Variants in IGSF10 observed in about 807,000 individuals in gnomAD.
The protein encoded by IGSF10 is immunoglobulin superfamily member 10.
IGSF10 carries 126 observed loss-of-function variants against 128.2 expected under a neutral mutation model. That is an observed-to-expected ratio of 0.98 (90% confidence interval 0.85 to 1.14). IGSF10 has a LOEUF of 1.14. Ranked by LOEUF, IGSF10 falls within the 50% of genes most tolerant of loss-of-function variation. The pLI, the probability that IGSF10 is intolerant of heterozygous loss-of-function variation, is 0.00. For synonymous variants in IGSF10, 1,185 were observed against 1,146.2 expected, an observed-to-expected ratio of 1.03 and a Z score of -0.68; for missense variants, 3,295 against 3,149.8, an observed-to-expected ratio of 1.05 and a Z score of -1.10.
the IGSF10 span, among the ~76,000 whole-genome samples, chr3:151,507,502 G>A: frequency 3.3e-5 from 5 of 152,272 alleles, no homozygotes; most frequent in African/African-American, 9.6e-5. Flanking sequence ...TCTGAGACTT[G>A]ACGATTTATA....
At position 151,447,310 on chromosome 3, in the gene IGSF10, A is replaced by C. The variant is rs762708199; in HGVS notation, c.2671T>G (p.Ser891Ala). The change falls in exon 6 of 8, where the codon TCC (serine) becomes GCC (alanine). Residue 891 changes from serine (S) to alanine (A), a missense_variant. By Grantham distance (99) the Ser-to-Ala change is moderately conservative. Coordinates refer to ENST00000282466, the MANE Select transcript of IGSF10 (RefSeq NM_178822.5). ...CCAAGTAGCAGTGGAAAGACAGTGG[A>C]TGAATGTTGATTGGTTGTGCCTTGT... ...QIQGTTNQHSSTVFPLLLGAT... is the reference protein window; with the variant it reads ...QIQGTTNQHSATVFPLLLGAT... The C allele has an allele frequency of 6.2e-7, 1 of 1,614,182 alleles. No homozygotes were observed.
the IGSF10 span, among the ~76,000 whole-genome samples, chr3:151,542,620 C>T: frequency 6.6e-6 from 1 of 152,170 alleles, no homozygotes; most frequent in East Asian, 1.9e-4. Flanking sequence ...TGAATACTTA[C>T]TATAAAAACA....
the IGSF10 span, among the ~76,000 whole-genome samples, chr3:151,617,571 G>A: frequency 2.0e-5 from 3 of 151,982 alleles, no homozygotes; most frequent in African/African-American, 7.3e-5. Context: ...ACCCATATCT[G>A]ATGCAGATGA....
At chr3:151,591,536 G>T in the IGSF10 span, among the ~76,000 whole-genome samples, 2 of 150,542 alleles carry the variant, frequency 1.3e-5, no homozygotes, top group Admixed American at 6.7e-5. Flanking sequence ...CATGCTGAAA[G>T]TTGTGAAGGA....
rs1350601428 is a variant in IGSF10 at position 151,445,987 on chromosome 3, A to C, written c.3994T>G (p.Tyr1332Asp). 1.9e-6 allele frequency: 3 copies of C among 1,614,166 alleles called. No homozygotes were observed. Among genetic ancestry groups the C allele is most frequent in the African/African-American group, 1.3e-5 (1 of 75,054 alleles). ...TPTFPASVITYETQTERSRAQ... is the reference protein window; with the variant it reads ...TPTFPASVITDETQTERSRAQ... ...CTAGATCTCTCTGTTTGGGTTTCAT[A>C]AGTGATGACAGATGCAGGGAAGGTA... The change falls in exon 6 of 8, where the codon TAT becomes GAT. Residue 1332 changes from tyrosine to aspartate, a missense_variant. Tyr to Asp is a radical substitution (Grantham distance 160). Coordinates refer to ENST00000282466, the MANE Select transcript of IGSF10 (RefSeq NM_178822.5).
the IGSF10 span, among the ~76,000 whole-genome samples, chr3:151,556,070 A>G: frequency 6.6e-6 from 1 of 152,172 alleles, no homozygotes; most frequent in African/African-American, 2.4e-5. Flanking sequence ...CAGCAGTCTG[A>G]CGGAACTGCT....
chr3:151,496,479 G>C, the IGSF10 span, among the ~76,000 whole-genome samples: 1 of 144,122 alleles, frequency 6.9e-6, no homozygotes, highest in Non-Finnish European at 1.5e-5. Flanking sequence ...AGTTTGCTGA[G>C]AATGATGGTT....
Position 151,457,113 on chromosome 3 carries a change from GC to G in IGSF10, c.236del (p.Gly79AlafsTer2). 1 of 1,614,060 alleles carries G rather than the reference GC, an allele frequency of 6.2e-7. No individual in the cohort carries two copies. Among genetic ancestry groups the G allele is most frequent in the Non-Finnish European group, 8.5e-7 (1 of 1,179,936 alleles). ...LVRLMETDFS[G>X]LTKLELLMLH... ...GCATGAGTAACTCCAGTTTGGTCAG[GC>G]CAGAAAAATCTGTTTCCATCAATCT... is the stretch of plus-strand genomic sequence containing the variant. On this transcript the variant is annotated frameshift_variant, in exon 4 of 8. Coordinates refer to ENST00000282466, the MANE Select transcript of IGSF10 (RefSeq NM_178822.5). LOFTEE classifies it high-confidence loss of function.
chr3:151,447,482 C>A lies in IGSF10; in HGVS notation c.2499G>T (p.Met833Ile), dbSNP rs570576236. 1 of 1,614,148 alleles carries A rather than the reference C, an allele frequency of 6.2e-7. No individual in the cohort carries two copies. The highest frequency in any genetic ancestry group is 2.2e-5 in the East Asian group (1 of 44,886). Residue 833 changes from methionine (M) to isoleucine (I), a missense_variant, in exon 6 of 8, where the codon ATG becomes ATT. Met to Ile is a conservative substitution (Grantham distance 10). Coordinates refer to ENST00000282466, the MANE Select transcript of IGSF10 (RefSeq NM_178822.5). ...ADSRTISDSP[M>I]TNINYGTEFS... ...ATTCTGTGCCATAATTTATGTTTGT[C>A]ATAGGACTATCAGATATTGTTCTGG...
chr3:151,448,354 T>C lies in IGSF10; in HGVS notation c.1627A>G (p.Ser543Gly). The C allele has an allele frequency of 6.2e-7, 1 of 1,614,214 alleles. No individual in the cohort carries two copies. The highest frequency in any genetic ancestry group is 8.5e-7 in the Non-Finnish European group (1 of 1,180,032). Residue 543 changes from serine to glycine, a missense_variant, in exon 6 of 8, where the codon AGT becomes GGT. Transcript: ENST00000282466. The stretch of plus-strand genomic sequence containing the variant: ...CAGTGATATACGCCTGTGTCAAAAC[T>C]ATCAGCCATCTGGAGTTCCAATTTT... ...SGKLELQMAD[S>G]FDTGVYHCIS...
At chr3:151,441,612 T>A (rs1720849838) in intron 7 of IGSF10, among the ~76,000 whole-genome samples, 1 of 152,304 alleles carries the variant, frequency 6.6e-6, no homozygotes, top group South Asian at 2.1e-4. Context: ...TTTCTATTAA[T>A]GAATAAACAG....
At chr3:151,616,777 G>A in the IGSF10 span, among the ~76,000 whole-genome samples, 10 of 152,266 alleles carry the variant, frequency 6.6e-5, no homozygotes, top group East Asian at 3.9e-4. Flanking sequence ...AAACCTCTAC[G>A]AAATGCGTCT....
At position 151,445,352 on chromosome 3, in the gene IGSF10, G is replaced by A; in HGVS notation, c.4629C>T (p.Tyr1543=). The A allele has an allele frequency of 1.2e-6, 2 of 1,614,218 alleles. No homozygotes were observed. Among genetic ancestry groups the A allele is most frequent in the Non-Finnish European group, 1.7e-6 (2 of 1,180,024 alleles). Residue 1543 remains tyrosine, a synonymous_variant, in exon 6 of 8, where the codon TAC becomes TAT. Coordinates refer to ENST00000282466, the MANE Select transcript of IGSF10 (RefSeq NM_178822.5). ...TGGGAGTAGAATGTAACAGATTAGA[G>A]TAGATGAAGTGAGTGGTTCCAATTG... is the stretch of plus-strand genomic sequence containing the variant. The part of the protein sequence containing the change: ...KFTIGTTHFI[Y]SNLLHSTPMP...
chr3:151,434,294 T>G (rs1328571179), downstream of IGSF10: 3 of 152,198 alleles, frequency 2.0e-5, no homozygotes, highest in African/African-American at 7.2e-5. Flanking sequence ...ATAAATAATT[T>G]ATATCTTCCT....
chr3:151,486,372 G>A, the IGSF10 span, among the ~76,000 whole-genome samples: 5 of 152,224 alleles, frequency 3.3e-5, no homozygotes, highest in South Asian at 1.0e-3. Context: ...ATAATAGTGG[G>A]AGACTTTAAC....
At chr3:151,545,874 C>A in the IGSF10 span, among the ~76,000 whole-genome samples, 9 of 152,050 alleles carry the variant, frequency 5.9e-5, no homozygotes, top group African/African-American at 2.2e-4. Context: ...CAAAAGGGTG[C>A]TGAAGGGTAA....
At chr3:151,557,483 G>C in the IGSF10 span, among the ~76,000 whole-genome samples, 1 of 152,102 alleles carries the variant, frequency 6.6e-6, no homozygotes, top group Admixed American at 6.6e-5. Flanking sequence ...TTAGACGGAG[G>C]AGCCTCAGAA....
the IGSF10 span, among the ~76,000 whole-genome samples, chr3:151,513,080 T>C: frequency 4.6e-5 from 7 of 151,988 alleles, no homozygotes; most frequent in Admixed American, 6.6e-5. Flanking sequence ...TTCCAATCAA[T>C]AGAAAAAGAG....
chr3:151,528,027 TTA>T, the IGSF10 span, among the ~76,000 whole-genome samples: 2 of 152,198 alleles, frequency 1.3e-5, no homozygotes, highest in Non-Finnish European at 2.9e-5. Flanking sequence ...GCAAAATATT[TTA>T]TGTTTTTAGC....
Sources: gnomAD v4.1 joint callset for allele counts (sites outside exome capture counted in the v4.1 genomes callset) on GRCh38, gnomAD v4.1.1 for gene constraint, MANE v1.5 for transcripts, NCBI Gene and HGNC (gene_info 2026-07-23, HGNC 2026-07-21) for gene names.